The following PPHLN1 variants were observed in gnomAD, a reference collection of about 807,000 sequenced individuals.
PPHLN1 encodes the protein periphilin 1.
Under a neutral mutation model 51.3 loss-of-function variants are expected in PPHLN1, and 29 were observed. The ratio of observed to expected loss-of-function variants is 0.57; its 90% CI spans 0.42 to 0.77. PPHLN1 has a LOEUF of 0.77. Ranked by LOEUF, PPHLN1 falls within the 30% of genes least tolerant of loss-of-function variation. PPHLN1 has a pLI of 0.00. For synonymous variants in PPHLN1, 147 were observed against 147.8 expected (o/e 0.99, Z 0.04); for missense variants, 436 against 438.4 (o/e 0.99, Z 0.05).
intron 9 of PPHLN1, among the ~76,000 whole-genome samples, chr12:42,416,253 A>G (rs549142398): frequency 1.3e-5 from 2 of 152,274 alleles, no homozygotes; most frequent in South Asian, 2.1e-4. Flanking sequence ...TTGAATTCAC[A>G]GAGTATGAAT....
intron 2 of PPHLN1, among the ~76,000 whole-genome samples, chr12:42,348,961 A>G (rs984736795): frequency 6.6e-6 from 1 of 152,206 alleles, no homozygotes; most frequent in African/African-American, 2.4e-5. Context: ...TATCTAACAT[A>G]CTAAAGGAGG....
chr12:42,335,961 G>C lies in PPHLN1; in HGVS notation c.59G>C (p.Arg20Pro). 6.3e-7 allele frequency: 1 copy of C among 1,581,456 alleles called. No homozygotes were observed. The highest frequency in any genetic ancestry group is 8.6e-7 in the Non-Finnish European group (1 of 1,161,626). Reference sequence around the variant, plus strand: ...ATTCCGAGAGAACGAGCACCTCCTCGAAGTCATCCCAGTGTAAGTTACTCC... The same window carrying C: ...ATTCCGAGAGAACGAGCACCTCCTCCAAGTCATCCCAGTGTAAGTTACTCC... ...ERIPRERAPPRSHPSDGYNRL... is the reference protein window; with the variant it reads ...ERIPRERAPPPSHPSDGYNRL... Residue 20 changes from arginine to proline, a missense_variant, in exon 2 of 10, where the codon CGA becomes CCA. Transcript: ENST00000358314.
rs564984563 is a variant in PPHLN1, at chr12:42,416,139, AATC to A, written c.909+17149_909+17151del. ...ATTATCAGTCGTTTAGTGTGGGTAA[AATC>A]ATCTTACATGTGTATTTTTAAAATC... On this transcript the variant is annotated intron_variant, in intron 9 of 9. Transcript: ENST00000358314. Among the ~76,000 whole-genome samples the A allele has an allele frequency of 8.5e-4, 129 of 152,250 alleles. 1 individual carries two copies. The highest frequency in any genetic ancestry group is 2.9e-3 in the African/African-American group (121 of 41,540).
chr12:42,361,387 TATA>T (rs1025250843), intron 4 of PPHLN1: 12 of 152,328 alleles, frequency 7.9e-5, no homozygotes, highest in African/African-American at 2.9e-4. Context: ...CTAAGACAAA[TATA>T]ATGGGTTTTA....
chr12:42,329,521 C>T (rs1321781808), intron 1 of PPHLN1, among the ~76,000 whole-genome samples: 1 of 152,150 alleles, frequency 6.6e-6, no homozygotes, highest in Non-Finnish European at 1.5e-5. Flanking sequence ...AATAGACATT[C>T]CTGCTTTTTA....
rs200445248 is a variant in PPHLN1, at chr12:42,388,259, AT to A, written c.648+727del. On this transcript the variant is annotated intron_variant, in intron 7 of 9. Coordinates refer to ENST00000358314, the MANE Select transcript of PPHLN1 (RefSeq NM_201439.2). ...GTCTTGGTATAAAACCCGATTGTAC[AT>A]TTGTTCAGTTCTGAGATAGGAGAAA... Among the ~76,000 whole-genome samples, 1,216 of 152,262 alleles carry A rather than the reference AT, an allele frequency of 8.0e-3. 16 individuals are homozygous for A. The highest frequency in any genetic ancestry group is 0.028 in the African/African-American group (1,183 of 41,558).
At chr12:42,442,410 C>A (rs190389478), downstream of PPHLN1, among the ~76,000 whole-genome samples, 2 of 152,194 alleles carry the variant, frequency 1.3e-5, no homozygotes, top group Admixed American at 1.3e-4. Flanking sequence ...AGAAACCAAC[C>A]CTTGATCAGT....
intron 5 of PPHLN1, among the ~76,000 whole-genome samples, chr12:42,383,412 G>A (rs1360770176): frequency 1.3e-5 from 2 of 152,164 alleles, no homozygotes; most frequent in African/African-American, 4.8e-5. Context: ...CTTGATTCAA[G>A]AAAGAATTTG....
chr12:42,431,682 A>G, intron 9 of PPHLN1: 3 of 1,117,264 alleles, frequency 2.7e-6, no homozygotes, highest in Admixed American at 3.4e-5. Context: ...AACACCATTC[A>G]GGACTGCTAC....
rs1566010474 is a variant in PPHLN1, at chr12:42,426,223, CA to C, written c.910-15091del. Among the ~76,000 whole-genome samples the C allele has an allele frequency of 2.8e-3, 358 of 128,876 alleles. 2 individuals carry two copies. Among genetic ancestry groups the C allele is most frequent in the East Asian group, 6.4e-3 (29 of 4,550 alleles). 84.5% of individuals were successfully genotyped at this position (128,876 alleles called of 152,430 possible). On this transcript the variant is annotated intron_variant, in intron 9 of 9. Coordinates refer to ENST00000358314, the MANE Select transcript of PPHLN1 (RefSeq NM_201439.2). The stretch of plus-strand genomic sequence containing the variant: ...ACACACACACACACACACACACACA[CA>C]CACACCCTCATGCATTGTCTCATGG...
At chr12:42,393,753 G>C in intron 8 of PPHLN1, 64 bp downstream of exon 8, 4 of 1,470,300 alleles carry the variant, frequency 2.7e-6, no homozygotes, top group Non-Finnish European at 3.6e-6. Context: ...TAAATTATGG[G>C]CGAAAAATAT....
At chr12:42,340,691 C>T (rs945349203) in intron 2 of PPHLN1, among the ~76,000 whole-genome samples, 37 of 152,142 alleles carry the variant, frequency 2.4e-4, no homozygotes, top group African/African-American at 8.5e-4. Flanking sequence ...GCACAATGAA[C>T]GATTTTGCTG....
chr12:42,446,569 C>T, downstream of PPHLN1: 1 of 1,612,432 alleles, frequency 6.2e-7, no homozygotes, highest in Admixed American at 1.7e-5. Flanking sequence ...TCATGTTTGT[C>T]TCTTGTTGTT....
At chr12:42,426,226 A>ACACACACC (rs1245875011) in intron 9 of PPHLN1, among the ~76,000 whole-genome samples, 4 of 123,110 alleles carry the variant, frequency 3.2e-5, no homozygotes, top group South Asian at 2.6e-4. Flanking sequence ...ACACACACAC[A>ACACACACC]CACCCTCATG....
chr12:42,426,172 CCACACACACACACACACACACACACA>C (rs71084653), intron 9 of PPHLN1, among the ~76,000 whole-genome samples: 8 of 122,124 alleles, frequency 6.6e-5, no homozygotes, highest in African/African-American at 1.0e-4. Flanking sequence ...AGACTTGACA[CCACACACACACACACACACACACACA>C]CACACACACA....
At chr12:42,371,111 GTTTTTTTTT>G (rs59324305) in intron 4 of PPHLN1, among the ~76,000 whole-genome samples, 2 of 64,692 alleles carry the variant, frequency 3.1e-5, no homozygotes, top group Non-Finnish European at 5.8e-5. Flanking sequence ...CCAGCCTGGT[GTTTTTTTTT>G]TTTTTTTTTT....
intron 9 of PPHLN1, among the ~76,000 whole-genome samples, chr12:42,418,245 G>T (rs546532455): frequency 1.3e-3 from 140 of 109,152 alleles, no homozygotes; most frequent in African/African-American, 4.9e-3. Flanking sequence ...TTTAATCAAC[G>T]CAGGAAATGG....
chr12:42,384,822 G>T, intron 5 of PPHLN1, 118 bp from the exon 6 acceptor site: 2 of 912,594 alleles, frequency 2.2e-6, no homozygotes, highest in Non-Finnish European at 3.4e-6. Flanking sequence ...AGAGTTTAGG[G>T]CCACCAGAAA....
At chr12:42,431,213 A>G (rs1456089233) in intron 9 of PPHLN1, among the ~76,000 whole-genome samples, 2 of 152,218 alleles carry the variant, frequency 1.3e-5, no homozygotes, top group African/African-American at 2.4e-5. Flanking sequence ...CCAGTTTCCA[A>G]ACTAAACTAA....
Sources: allele counts gnomAD v4.1 joint callset (sites outside exome capture counted in the v4.1 genomes callset), GRCh38; gene constraint gnomAD v4.1.1; transcripts MANE v1.5; gene names NCBI Gene and HGNC (gene_info 2026-07-23, HGNC 2026-07-21).